ITGBL1: variants seen among roughly 807,000 people sequenced by gnomAD.
ITGBL1 encodes integrin beta-like protein 1.
In ITGBL1, 51 loss-of-function variants were observed where a neutral mutation model predicts 68.5. That is an observed-to-expected ratio of 0.74 (90% CI 0.59 to 0.94). The LOEUF (loss-of-function observed/expected upper bound fraction) is 0.94. Among genes scored for constraint, ITGBL1 ranks in the 40% least tolerant of loss-of-function variants. The probability of loss-of-function intolerance (pLI) is 0.00; values close to 1 mark genes in which losing one functional copy is unlikely to be tolerated. For synonymous variants in ITGBL1, 209 were observed against 227.3 expected, an observed-to-expected ratio of 0.92 and a Z score of 0.72; for missense variants, 649 against 647.4, an observed-to-expected ratio of 1.00 and a Z score of -0.03.
chr13:101,588,224 G>A (rs4389007), intron 6 of ITGBL1, among the ~76,000 whole-genome samples: 2,386 of 151,554 alleles, frequency 0.016, 65 homozygotes, highest in African/African-American at 0.054. Flanking sequence ...CTTCCTTTTC[G>A]TATGGGTATT....
chr13:101,673,431 A>G (rs1190792055), intron 7 of ITGBL1, among the ~76,000 whole-genome samples: 1 of 152,226 alleles, frequency 6.6e-6, no homozygotes, highest in Non-Finnish European at 1.5e-5. Flanking sequence ...GAATTGCTCT[A>G]GATTCTCTAT....
chr13:101,536,246 C>T (rs531578351), intron 2 of ITGBL1, among the ~76,000 whole-genome samples: 1 of 151,926 alleles, frequency 6.6e-6, no homozygotes, highest in Middle Eastern at 3.4e-3. Flanking sequence ...GTACCCTATC[C>T]CTCCCTGAAG....
chr13:101,537,205 A>G (rs1199565006), intron 2 of ITGBL1, among the ~76,000 whole-genome samples: 1 of 152,046 alleles, frequency 6.6e-6, no homozygotes, highest in Non-Finnish European at 1.5e-5. Flanking sequence ...AAACACAAAT[A>G]TTATATCAGC....
At chr13:101,602,359 G>T (rs1205081267) in intron 7 of ITGBL1, among the ~76,000 whole-genome samples, 5 of 151,966 alleles carry the variant, frequency 3.3e-5, no homozygotes, top group African/African-American at 7.2e-5. Context: ...TCATCTAGAA[G>T]AACACGTGTT....
chr13:101,600,127 T>C (rs1185084481), intron 7 of ITGBL1, among the ~76,000 whole-genome samples: 3 of 152,210 alleles, frequency 2.0e-5, no homozygotes, highest in Admixed American at 6.5e-5. Flanking sequence ...CAGTGGTTTG[T>C]AGTTCTCCTT....
chr13:101,709,258 G>A (rs914704379), intron 9 of ITGBL1, among the ~76,000 whole-genome samples: 7 of 149,958 alleles, frequency 4.7e-5, no homozygotes, highest in Non-Finnish European at 1.0e-4. Context: ...CCAGCTACTC[G>A]GGAGGCTGAG....
intron 7 of ITGBL1, among the ~76,000 whole-genome samples, chr13:101,668,475 A>G (rs369154290): frequency 1.3e-5 from 2 of 152,188 alleles, no homozygotes; most frequent in South Asian, 4.1e-4. Context: ...GATGACTAAT[A>G]TTGTTGGTTT....
In ITGBL1 at chr13:101,466,716, ATATT is replaced by A. The variant is rs372837148; in HGVS notation, c.316+12619_316+12622del. 6.6e-5 allele frequency among the ~76,000 whole-genome samples: 10 copies of A among 152,338 alleles called. No individual in the cohort carries two copies. In the South Asian group the frequency reaches 2.1e-3, roughly 32 times the overall value. On this transcript the variant is annotated intron_variant, in intron 2 of 10. Coordinates refer to ENST00000376180, the MANE Select transcript of ITGBL1 (RefSeq NM_004791.3). ...ATTTTTCTGGAAACTAAAAACAAAA[ATATT>A]TAGCACAAAAAATAGGTATTTAGCA...
chr13:101,462,695 G>A (rs1054265621), intron 2 of ITGBL1, among the ~76,000 whole-genome samples: 3 of 152,110 alleles, frequency 2.0e-5, no homozygotes, highest in South Asian at 2.1e-4. Context: ...TGATACTCCT[G>A]CCTCAGCCTC....
intron 2 of ITGBL1, among the ~76,000 whole-genome samples, chr13:101,499,702 A>G (rs1402946565): frequency 6.6e-6 from 1 of 152,218 alleles, no homozygotes; most frequent in Non-Finnish European, 1.5e-5. Flanking sequence ...TGATTTTTCT[A>G]TTTATAATCA....
intron 8 of ITGBL1, among the ~76,000 whole-genome samples, chr13:101,694,215 C>T (rs749654131): frequency 6.6e-6 from 1 of 152,108 alleles, no homozygotes; most frequent in Non-Finnish European, 1.5e-5. Flanking sequence ...ATCCTCTGTT[C>T]ACTGGTATTA....
chr13:101,520,091 G>T (rs1025221645), intron 2 of ITGBL1, among the ~76,000 whole-genome samples: 1 of 151,930 alleles, frequency 6.6e-6, no homozygotes, highest in African/African-American at 2.4e-5. Flanking sequence ...CCAGTGAGAG[G>T]GATTTGCTGC....
chr13:101,550,020 A>G (rs545421736), intron 2 of ITGBL1, among the ~76,000 whole-genome samples: 20 of 152,184 alleles, frequency 1.3e-4, no homozygotes, highest in Non-Finnish European at 2.2e-4. Flanking sequence ...AAAACTAGTT[A>G]GTTAATAAAG....
chr13:101,628,882 A>G (rs936289254), intron 7 of ITGBL1, among the ~76,000 whole-genome samples: 9 of 151,938 alleles, frequency 5.9e-5, no homozygotes, highest in African/African-American at 1.7e-4. Flanking sequence ...ATCCTTATTA[A>G]TTATTTTGTT....
intron 7 of ITGBL1, among the ~76,000 whole-genome samples, chr13:101,610,153 A>G (rs1042508791): frequency 6.6e-6 from 1 of 152,172 alleles, no homozygotes; most frequent in Non-Finnish European, 1.5e-5. Context: ...AAAATACTAA[A>G]ATTATAGTGC....
intron 2 of ITGBL1, among the ~76,000 whole-genome samples, chr13:101,542,504 G>A (rs2049727634): frequency 6.6e-6 from 1 of 152,114 alleles, no homozygotes; most frequent in Admixed American, 6.5e-5. Flanking sequence ...AATAAGTGTG[G>A]TGTGGTGCTG....
rs563400750 is a variant in ITGBL1 at position 101,457,463 on chromosome 13, C to T, written c.316+3363C>T. ...TAAGAACCATACTTATTATAGTTTG[C>T]GCTGGTTGAAAGTGATTAGGTTCCC... is the stretch of plus-strand genomic sequence containing the variant. On this transcript the variant is annotated intron_variant, in intron 2 of 10. Coordinates refer to ENST00000376180, the MANE Select transcript of ITGBL1 (RefSeq NM_004791.3). Among the ~76,000 whole-genome samples, 189 of 152,254 alleles carry T rather than the reference C, an allele frequency of 1.2e-3. 1 individual carries two copies. The highest frequency in any genetic ancestry group is 4.3e-3 in the African/African-American group (178 of 41,550).
At chr13:101,632,114 C>T (rs1029520044) in intron 7 of ITGBL1, among the ~76,000 whole-genome samples, 11 of 151,452 alleles carry the variant, frequency 7.3e-5, no homozygotes, top group African/African-American at 2.4e-4. Flanking sequence ...AAGAAAGTCA[C>T]ACATGGATAA....
At chr13:101,676,430 C>T (rs2139515908) in intron 7 of ITGBL1, among the ~76,000 whole-genome samples, 1 of 152,218 alleles carries the variant, frequency 6.6e-6, no homozygotes, top group East Asian at 1.9e-4. Context: ...TTATCAATAC[C>T]TCCTTCTTGA....
Sources: allele counts gnomAD v4.1 joint callset (sites outside exome capture counted in the v4.1 genomes callset), GRCh38; gene constraint gnomAD v4.1.1; transcripts MANE v1.5; gene names NCBI Gene and HGNC (gene_info 2026-07-23, HGNC 2026-07-21).